The following RC3H1 variants were observed in gnomAD, a reference collection of about 807,000 sequenced individuals.
RC3H1 encodes ring finger and CCCH-type domains 1.
In RC3H1, 50 loss-of-function variants were observed where a neutral mutation model predicts 138.2. The ratio of observed to expected loss-of-function variants is 0.36; its 90% CI spans 0.29 to 0.46. The LOEUF is 0.46. RC3H1 is among the 20% of genes least tolerant of loss of function. RC3H1 has a pLI of 1.00. For missense variants in RC3H1, 1,031 were observed against 1,388.1 expected (o/e 0.74, Z 4.09); for synonymous variants, 462 against 489.1 (o/e 0.94, Z 0.73).
chr1:173,946,952 A>G (rs1243114313), intron 15 of RC3H1, 116 bp from the exon 16 acceptor site: 7 of 699,032 alleles, frequency 1.0e-5, no homozygotes, highest in South Asian at 1.8e-5. Flanking sequence ...ATCTACCCTA[A>G]ATGTCCAGAT....
intron 1 of RC3H1, among the ~76,000 whole-genome samples, chr1:173,994,060 G>C (rs997824812): frequency 6.0e-5 from 9 of 150,380 alleles, no homozygotes; most frequent in Middle Eastern, 3.4e-3. Context: ...GTTGGGGAAG[G>C]GGGTAGAGGG....
At chr1:173,984,674 T>A in intron 2 of RC3H1, 55 bp from the exon 3 acceptor site, 1 of 1,570,446 alleles carries the variant, frequency 6.4e-7, no homozygotes. Context: ...ATTGTTTTAT[T>A]TAGTATAGTT....
intron 13 of RC3H1, among the ~76,000 whole-genome samples, chr1:173,958,842 T>C (rs1659754184): frequency 6.6e-6 from 1 of 152,108 alleles, no homozygotes; most frequent in African/African-American, 2.4e-5. Context: ...TCACTATCTA[T>C]ATTTACCTGT....
chr1:173,973,645 A>G (rs1406969603), intron 7 of RC3H1, among the ~76,000 whole-genome samples: 1 of 152,206 alleles, frequency 6.6e-6, no homozygotes, highest in Non-Finnish European at 1.5e-5. Context: ...GATTTATAAA[A>G]GAAAAATTAA....
At chr1:173,951,298 C>A (rs915660799) in intron 14 of RC3H1, among the ~76,000 whole-genome samples, 2 of 151,898 alleles carry the variant, frequency 1.3e-5, no homozygotes, top group Non-Finnish European at 2.9e-5. Context: ...GAACTCCAGC[C>A]TGGGCAACAA....
At position 173,964,919 on chromosome 1, in the gene RC3H1, T is replaced by A. The variant is rs1308526448; in HGVS notation, c.1536A>T (p.Thr512=). 3 of 1,614,176 alleles carry A rather than the reference T, an allele frequency of 1.9e-6. No individual in the cohort carries two copies. The highest frequency in any genetic ancestry group is 2.2e-5 in the South Asian group (2 of 91,080). ...NTVTQLIPRG[T]DPSYDSSLKP... is the part of the protein sequence containing the mutation. ...TCAGACTAGAATCATAGCTGGGGTC[T>A]GTCCCTCGCGGAATAAGCTGTGTTA... Residue 512 remains threonine (T), a synonymous_variant, in exon 10 of 20, where the codon ACA becomes ACT. Coordinates refer to ENST00000367696, the MANE Select transcript of RC3H1 (RefSeq NM_172071.4).
rs1292664563 is a variant in RC3H1, at chr1:174,022,352, G to A, written c.-407C>T. 1 of 377,966 alleles carries A rather than the reference G, an allele frequency of 2.6e-6. No homozygotes were observed. Among genetic ancestry groups the A allele is most frequent in the Admixed American group, 4.6e-5 (1 of 21,956 alleles). 23.4% of individuals were successfully genotyped at this position (377,966 alleles called of 1,614,324 possible). On this transcript the variant is annotated 5_prime_UTR_variant, in exon 1 of 20. In the 5' UTR this introduces an upstream ATG that the reference lacks. Transcript: ENST00000367696. The surrounding 1 kb of genome is among the most constrained non-coding windows in gnomAD (Gnocchi z 4.2). ...CTCGTCCTCCGCCGCCCAGTCGCTC[G>A]TTGTCCTCGTCCCCTTCCTCTTCCT...
intron 18 of RC3H1, 46 bp from the exon 19 acceptor site, chr1:173,941,426 T>C (rs758786213): frequency 8.2e-7 from 1 of 1,221,176 alleles, no homozygotes; most frequent in Admixed American, 1.7e-5. Flanking sequence ...TATTTAATGG[T>C]GTTAATGGGA....
Position 173,935,245 on chromosome 1 carries a change from G to A in RC3H1, c.*3476C>T, listed in dbSNP as rs1225182648. 1 of 152,056 alleles carries A rather than the reference G, an allele frequency of 6.6e-6. No homozygotes were observed. The highest frequency in any genetic ancestry group is 1.5e-5 in the Non-Finnish European group (1 of 67,998). The allele number at this position is 152,056 out of a possible 1,614,324, so 9.4% of individuals were successfully genotyped here. On this transcript the variant is annotated 3_prime_UTR_variant, in exon 20 of 20. Coordinates refer to ENST00000367696, the MANE Select transcript of RC3H1 (RefSeq NM_172071.4). ...TTATGACAAAATTATATATAAATTA[G>A]GCAAAAGAGCTACATATAAACCAGA...
chr1:173,963,792 T>G (rs1659979503), intron 11 of RC3H1, among the ~76,000 whole-genome samples, 181 bp downstream of exon 11: 1 of 152,222 alleles, frequency 6.6e-6, no homozygotes, highest in African/African-American at 2.4e-5. Context: ...TTTATTACTT[T>G]GTTTCATTTA....
chr1:174,020,950 A>C (rs188853167), intron 1 of RC3H1, among the ~76,000 whole-genome samples: 5 of 152,302 alleles, frequency 3.3e-5, no homozygotes, highest in Admixed American at 1.3e-4. Flanking sequence ...TGGAGGCTGT[A>C]GTGAGCCGAG....
At chr1:173,976,290 AAATAATAAG>A (rs984129260) in intron 7 of RC3H1, among the ~76,000 whole-genome samples, 19 of 152,006 alleles carry the variant, frequency 1.2e-4, no homozygotes, top group African/African-American at 3.6e-4. Context: ...TACTAAAAAT[AAATAATAAG>A]AATAATAAGA....
chr1:173,995,533 CAA>C (rs1429449370), intron 1 of RC3H1, among the ~76,000 whole-genome samples: 19 of 85,250 alleles, frequency 2.2e-4, no homozygotes, highest in Admixed American at 2.7e-4. Flanking sequence ...GACTCCATCT[CAA>C]AAAAAAAAAA....
At chr1:174,021,820 G>A (rs1468974625) in intron 1 of RC3H1, among the ~76,000 whole-genome samples, 3 of 152,122 alleles carry the variant, frequency 2.0e-5, no homozygotes, top group South Asian at 4.1e-4. Context: ...CCTCTCGTCC[G>A]AGCCTCCCTT....
At chr1:174,014,045 C>T (rs1240930505) in intron 1 of RC3H1, among the ~76,000 whole-genome samples, 3 of 152,046 alleles carry the variant, frequency 2.0e-5, no homozygotes, top group Admixed American at 2.0e-4. Context: ...TCAGTGGTAG[C>T]CAGAGGTTCA....
At chr1:173,993,309 T>C (rs1661372584) in intron 1 of RC3H1, among the ~76,000 whole-genome samples, 174 bp from the exon 2 acceptor site, 1 of 143,482 alleles carries the variant, frequency 7.0e-6, no homozygotes, top group Non-Finnish European at 1.5e-5. Context: ...TCTATTTCCA[T>C]TCCCTCATTT....
intron 9 of RC3H1, among the ~76,000 whole-genome samples, chr1:173,969,624 T>C (rs1051760789): frequency 2.6e-5 from 4 of 151,878 alleles, no homozygotes; most frequent in African/African-American, 9.7e-5. Flanking sequence ...TCCTAGCACT[T>C]TGGGAGGCCA....
At chr1:174,010,824 C>T (rs2103093349) in intron 1 of RC3H1, among the ~76,000 whole-genome samples, 1 of 152,290 alleles carries the variant, frequency 6.6e-6, no homozygotes, top group South Asian at 2.1e-4. Context: ...AAGGATGATA[C>T]ACTTGAACAG....
intron 13 of RC3H1, 22 bp from the exon 14 acceptor site, chr1:173,952,160 AAAC>A: frequency 6.7e-7 from 1 of 1,495,970 alleles, no homozygotes; most frequent in Non-Finnish European, 8.9e-7. Context: ...GAAAGAAAAA[AAAC>A]AAAAAAAAAA....
Sources: allele counts gnomAD v4.1 joint callset (sites outside exome capture counted in the v4.1 genomes callset), GRCh38; gene constraint gnomAD v4.1.1; non-coding constraint Gnocchi (gnomAD v3.1); transcripts MANE v1.5; gene names NCBI Gene and HGNC (gene_info 2026-07-23, HGNC 2026-07-21).